The following TSPAN14 variants were observed in gnomAD, a reference collection of about 807,000 sequenced individuals.
TSPAN14 encodes tetraspanin 14, also known as tetraspanin-14.
Under a neutral mutation model 36.6 loss-of-function variants are expected in TSPAN14, and 16 were observed. The observed-to-expected ratio is 0.44, with a 90% CI of 0.30 to 0.66. TSPAN14 has a LOEUF of 0.66. TSPAN14 is among the 30% of genes least tolerant of loss of function. The pLI is 0.12. For missense variants in TSPAN14, 231 were observed against 355.1 expected, an observed-to-expected ratio of 0.65 and a Z score of 2.81; for synonymous variants, 139 against 143.8, an observed-to-expected ratio of 0.97 and a Z score of 0.24.
At chr10:80,508,931 A>G (rs1234104016) in intron 4 of TSPAN14, among the ~76,000 whole-genome samples, 4 of 152,172 alleles carry the variant, frequency 2.6e-5, no homozygotes, top group Non-Finnish European at 4.4e-5. Context: ...TCCAGGTGGA[A>G]CTGCTGGGGT....
chr10:80,503,808 G>C (rs958669129), intron 2 of TSPAN14, among the ~76,000 whole-genome samples: 6 of 152,128 alleles, frequency 3.9e-5, no homozygotes, highest in Admixed American at 6.5e-5. Flanking sequence ...ATAGAGAAGC[G>C]TGGTCCTGTT....
At chr10:80,492,532 A>G (rs1408041209) in intron 2 of TSPAN14, among the ~76,000 whole-genome samples, 1 of 152,112 alleles carries the variant, frequency 6.6e-6, no homozygotes, top group Admixed American at 6.5e-5. Flanking sequence ...AATTATTTTC[A>G]CAGGCCTGGC....
chr10:80,494,988 A>T (rs909519817), intron 2 of TSPAN14, among the ~76,000 whole-genome samples: 3 of 152,212 alleles, frequency 2.0e-5, no homozygotes, highest in African/African-American at 7.2e-5. Flanking sequence ...CAGTCTTAAG[A>T]TACGCATTTT....
chr10:80,509,841 G>A lies in TSPAN14; in HGVS notation c.450+370G>A. On this transcript the variant is annotated intron_variant, in intron 5 of 8. Coordinates refer to ENST00000429989, the Ensembl canonical transcript of TSPAN14. The surrounding 1 kb of genome is among the most constrained non-coding windows in gnomAD (Gnocchi z 4.7). ...CGTAAGGCACAGCTTCTTCCCCCCGGCTCATGACTCACCATCTGACGCTAT... is the reference window on the plus strand; with the variant it reads ...CGTAAGGCACAGCTTCTTCCCCCCGACTCATGACTCACCATCTGACGCTAT... 1 of 194,430 alleles carries A rather than the reference G, an allele frequency of 5.1e-6. No homozygotes were observed. The highest frequency in any genetic ancestry group is 1.1e-5 in the Non-Finnish European group (1 of 93,650). The allele number at this position is 194,430 out of a possible 1,614,324, so 12.0% of individuals were successfully genotyped here. A position where few individuals can be genotyped will look rare whatever the true frequency, so the allele number is the denominator to read the frequency against.
intron 4 of TSPAN14, among the ~76,000 whole-genome samples, chr10:80,508,276 T>C (rs1211841260): frequency 6.6e-6 from 1 of 152,052 alleles, no homozygotes; most frequent in Non-Finnish European, 1.5e-5. Flanking sequence ...CTACCATGCC[T>C]GGCTAATTTT....
intron 2 of TSPAN14, among the ~76,000 whole-genome samples, chr10:80,503,053 G>A (rs146354525): frequency 7.6e-4 from 116 of 152,188 alleles, no homozygotes; most frequent in Middle Eastern, 3.4e-3. Context: ...GATACCATGA[G>A]GAAAAGTCTT....
At chr10:80,506,198 C>T (rs1008633775) in intron 3 of TSPAN14, among the ~76,000 whole-genome samples, 18 of 152,218 alleles carry the variant, frequency 1.2e-4, no homozygotes, top group African/African-American at 4.1e-4. Flanking sequence ...GTCTTGAGCT[C>T]CTGGCCTCAA....
intron 3 of TSPAN14, 125 bp downstream of exon 3, chr10:80,504,903 A>G: frequency 9.6e-7 from 1 of 1,041,152 alleles, no homozygotes; most frequent in Non-Finnish European, 1.5e-6. Context: ...CAAGGTGTAT[A>G]ATTGTCAATC....
At chr10:80,466,743 A>G (rs1846270736) in intron 1 of TSPAN14, among the ~76,000 whole-genome samples, 1 of 152,230 alleles carries the variant, frequency 6.6e-6, no homozygotes, top group South Asian at 2.1e-4. Flanking sequence ...CGTCCTGGGA[A>G]AAGCACGGTC....
At chr10:80,461,626 G>A (rs1170249676) in intron 1 of TSPAN14, among the ~76,000 whole-genome samples, 1 of 151,868 alleles carries the variant, frequency 6.6e-6, no homozygotes, top group Admixed American at 6.6e-5. Context: ...TTTAGTTGAG[G>A]GCTCCTCTGG....
chr10:80,488,368 A>T (rs1847740886), intron 1 of TSPAN14, among the ~76,000 whole-genome samples: 1 of 152,242 alleles, frequency 6.6e-6, no homozygotes. Context: ...CTCCTGCAGT[A>T]GGATCTCTGA....
intron 2 of TSPAN14, among the ~76,000 whole-genome samples, chr10:80,502,635 C>T (rs149652656): frequency 1.8e-3 from 278 of 151,016 alleles, no homozygotes; most frequent in Non-Finnish European, 3.4e-3. Flanking sequence ...CTGAATGAGA[C>T]GGAGAAGAGT....
chr10:80,490,279 C>T lies in TSPAN14; in HGVS notation c.81+965C>T, dbSNP rs150165511. On this transcript the variant is annotated intron_variant, in intron 2 of 8. Coordinates refer to ENST00000429989, the Ensembl canonical transcript of TSPAN14. ...ACTATTTCCTTTGTCGTTGACTGTC[C>T]TGGAGATGGAAGTCTTGGCCAACCA... Among the ~76,000 whole-genome samples the T allele has an allele frequency of 5.5e-3, 842 of 152,126 alleles. 11 individuals carry two copies. The highest frequency in any genetic ancestry group is 0.019 in the African/African-American group (800 of 41,452).
intron 2 of TSPAN14, among the ~76,000 whole-genome samples, chr10:80,495,135 A>G (rs1324833096): frequency 6.6e-6 from 1 of 152,224 alleles, no homozygotes; most frequent in Admixed American, 6.5e-5. Context: ...TATCCTAGAT[A>G]AGGATGCAGT....
intron 2 of TSPAN14, among the ~76,000 whole-genome samples, chr10:80,494,393 G>T (rs895990070): frequency 6.6e-6 from 1 of 152,182 alleles, no homozygotes; most frequent in African/African-American, 2.4e-5. Flanking sequence ...AGAGTCTTGC[G>T]AATTTTGCCA....
chr10:80,465,106 C>G (rs893138888), intron 1 of TSPAN14, among the ~76,000 whole-genome samples: 1 of 152,162 alleles, frequency 6.6e-6, no homozygotes. Context: ...TTCTGAGCAG[C>G]TGGGCAAGGA....
Position 80,510,724 on chromosome 10 carries a change from A to G in TSPAN14, c.450+1253A>G, listed in dbSNP as rs371295484. Among the ~76,000 whole-genome samples, 30 of 152,162 alleles carry G rather than the reference A, an allele frequency of 2.0e-4. No individual in the cohort carries two copies. In the East Asian group the frequency reaches 2.1e-3, roughly 11 times the overall value. ...CCCATCTCTACTAAAAATACAAAAA[A>G]TTAGTGGGGTGTGGCGGTGGGCACC... On this transcript the variant is annotated intron_variant, in intron 5 of 8. Transcript: ENST00000429989.
intron 7 of TSPAN14, among the ~76,000 whole-genome samples, chr10:80,514,731 A>G (rs1220284550): frequency 2.0e-5 from 3 of 152,052 alleles, no homozygotes; most frequent in Non-Finnish European, 4.4e-5. Flanking sequence ...TGCATTTCAC[A>G]GGGAGAAAGT....
intron 1 of TSPAN14, among the ~76,000 whole-genome samples, chr10:80,462,358 A>ATGGGAGGGGGTGGGG (rs1846020689): frequency 1.3e-5 from 1 of 77,586 alleles, no homozygotes; most frequent in African/African-American, 4.1e-5. Context: ...ATGGGGTGGG[A>ATGGGAGGGGGTGGGG]TGGGATGGGA....
Sources: allele counts gnomAD v4.1 joint callset (sites outside exome capture counted in the v4.1 genomes callset), GRCh38; gene constraint gnomAD v4.1.1; non-coding constraint Gnocchi (gnomAD v3.1); transcripts MANE v1.5; gene names NCBI Gene and HGNC (gene_info 2026-07-23, HGNC 2026-07-21).